Variants in MTREX observed in about 807,000 individuals in gnomAD.
MTREX encodes Mtr4 exosome RNA helicase, also known as exosome RNA helicase MTR4.
In MTREX, 76 loss-of-function variants were observed where a neutral mutation model predicts 135.4. The observed-to-expected ratio is 0.56, with a 90% CI of 0.47 to 0.68. The LOEUF is 0.68. Ranked by LOEUF, MTREX falls within the 30% of genes least tolerant of loss-of-function variation. The pLI is 0.00. For synonymous variants in MTREX, 404 were observed against 401.6 expected (o/e 1.01, Z -0.07); for missense variants, 920 against 1,262.1 (o/e 0.73, Z 4.11).
rs1751132438 is a variant in MTREX at position 55,424,981 on chromosome 5, CTG to C, written c.*211_*212del. ...AATAAAAATGTATACAGGTGGGGCA[CTG>C]TTTTGGTGGAAGGCTTGGAGTTTTT... On this transcript the variant is annotated 3_prime_UTR_variant, in exon 27 of 27. Transcript: ENST00000230640. 4 of 660,806 alleles carry C rather than the reference CTG, an allele frequency of 6.1e-6. No homozygotes were observed. Among genetic ancestry groups the C allele is most frequent in the Non-Finnish European group, 7.5e-6 (3 of 399,736 alleles). 40.9% of individuals were successfully genotyped at this position (660,806 alleles called of 1,614,324 possible). A position where few individuals can be genotyped will look rare whatever the true frequency, so the allele number is the denominator to read the frequency against.
At chr5:55,355,970 C>CA (rs1389995168) in intron 14 of MTREX, among the ~76,000 whole-genome samples, 1 of 152,184 alleles carries the variant, frequency 6.6e-6, no homozygotes, top group Admixed American at 6.5e-5. Flanking sequence ...GGGGAAGAGT[C>CA]AAAGGGTTAG....
At chr5:55,330,337 A>T (rs1435040977) in intron 5 of MTREX, among the ~76,000 whole-genome samples, 1 of 151,964 alleles carries the variant, frequency 6.6e-6, no homozygotes, top group Non-Finnish European at 1.5e-5. Flanking sequence ...TGCTCTCCCA[A>T]AGTGCTGGGC....
chr5:55,317,173 A>C (rs1749212233), intron 1 of MTREX, among the ~76,000 whole-genome samples: 1 of 152,216 alleles, frequency 6.6e-6, no homozygotes, highest in African/African-American at 2.4e-5. Context: ...CCCCATGCTC[A>C]TGAATAGGAA....
chr5:55,324,004 A>G (rs751660088), intron 2 of MTREX, 128 bp from the exon 3 acceptor site: 3 of 655,566 alleles, frequency 4.6e-6, no homozygotes, highest in South Asian at 3.8e-5. Context: ...TTAATAGCCA[A>G]AGTTTTTCCT....
At chr5:55,380,187 G>A (rs1014494845) in intron 18 of MTREX, among the ~76,000 whole-genome samples, 14 of 151,930 alleles carry the variant, frequency 9.2e-5, no homozygotes, top group East Asian at 1.9e-4. Context: ...TGATCTGCCC[G>A]CCTCGGCCTC....
At chr5:55,321,603 A>ATTTTT (rs570546421) in intron 1 of MTREX, among the ~76,000 whole-genome samples, 15 of 103,076 alleles carry the variant, frequency 1.5e-4, no homozygotes, top group Admixed American at 2.0e-4. Flanking sequence ...CCAAACATCT[A>ATTTTT]TTTTTTTTTT....
intron 23 of MTREX, among the ~76,000 whole-genome samples, chr5:55,412,211 G>A (rs1383557506): frequency 2.6e-5 from 4 of 152,052 alleles, no homozygotes; most frequent in Non-Finnish European, 5.9e-5. Context: ...TTAACAGAAT[G>A]TTTTCTGCCA....
intron 16 of MTREX, 143 bp from the exon 17 acceptor site, chr5:55,378,171 A>G (rs1750336436): frequency 3.3e-6 from 3 of 903,628 alleles, no homozygotes; most frequent in East Asian, 3.3e-5. Context: ...ATAGATGAAC[A>G]CATAGAGACT....
chr5:55,386,038 T>TA (rs1165166849), intron 18 of MTREX, among the ~76,000 whole-genome samples: 1 of 152,210 alleles, frequency 6.6e-6, no homozygotes, highest in Non-Finnish European at 1.5e-5. Context: ...ACATTTTTAT[T>TA]AATTTTGGGA....
chr5:55,374,510 TC>T (rs1459403098), intron 16 of MTREX, among the ~76,000 whole-genome samples: 3 of 151,872 alleles, frequency 2.0e-5, no homozygotes, highest in Admixed American at 6.6e-5. Context: ...GGTCTTGAAC[TC>T]CTGAGCTGAA....
In MTREX at chr5:55,358,588, T is replaced by C; in HGVS notation, c.1549T>C (p.Tyr517His). The change falls in exon 15 of 27, where the codon TAC becomes CAC. Residue 517 changes from tyrosine (Y) to histidine (H), a missense_variant. Coordinates refer to ENST00000230640, the MANE Select transcript of MTREX (RefSeq NM_015360.5). Reference protein sequence around the residue: ...KDFRWISSGEYIQMSGRAGRR... With the variant: ...KDFRWISSGEHIQMSGRAGRR... ...GTTCATTCAGATTTCTTCTGGTGAA[T>C]ACATTCAGATGTCTGGTCGTGCTGG... 1 of 1,603,860 alleles carries C rather than the reference T, an allele frequency of 6.2e-7. No individual in the cohort carries two copies. Among genetic ancestry groups the C allele is most frequent in the Non-Finnish European group, 8.5e-7 (1 of 1,177,256 alleles).
intron 1 of MTREX, among the ~76,000 whole-genome samples, chr5:55,321,429 A>G (rs560169835): frequency 1.7e-3 from 258 of 151,900 alleles, no homozygotes; most frequent in South Asian, 8.7e-3. Context: ...CCTCACCCCT[A>G]ATTTTCTGTC....
intron 19 of MTREX, 82 bp from the exon 20 acceptor site, chr5:55,397,333 CT>C: frequency 1.2e-6 from 1 of 805,286 alleles, no homozygotes; most frequent in Non-Finnish European, 2.0e-6. Context: ...GCAACTTCCT[CT>C]TTAGGGATCC....
chr5:55,414,144 C>T (rs773605093), intron 23 of MTREX, 38 bp from the exon 24 acceptor site: 8 of 1,446,634 alleles, frequency 5.5e-6, no homozygotes, highest in East Asian at 2.4e-5. Context: ...TAACTTTAAA[C>T]GTGGGTTTTT....
At chr5:55,397,596 T>C (rs765312647) in intron 20 of MTREX, 70 bp downstream of exon 20, 300 of 898,884 alleles carry the variant, frequency 3.3e-4, no homozygotes, top group Middle Eastern at 9.8e-4. Flanking sequence ...AAGAGGCAAC[T>C]GAAATGCTTT....
chr5:55,366,330 A>G (rs1750102801), intron 15 of MTREX, among the ~76,000 whole-genome samples: 1 of 152,178 alleles, frequency 6.6e-6, no homozygotes, highest in South Asian at 2.1e-4. Context: ...TCTCTACAAA[A>G]TAATAAAAAA....
At chr5:55,352,342 A>G (rs1452817735) in intron 13 of MTREX, among the ~76,000 whole-genome samples, 1 of 151,622 alleles carries the variant, frequency 6.6e-6, no homozygotes, top group Non-Finnish European at 1.5e-5. Context: ...AGATCCTGGT[A>G]TGTCCCTTCT....
chr5:55,320,408 G>A (rs894984697), intron 1 of MTREX, among the ~76,000 whole-genome samples: 10 of 152,082 alleles, frequency 6.6e-5, no homozygotes, highest in East Asian at 1.9e-4. Context: ...TAGAGACGAC[G>A]GGGTTTCACC....
intron 10 of MTREX, among the ~76,000 whole-genome samples, chr5:55,346,125 G>A (rs1749728623): frequency 6.6e-6 from 1 of 152,138 alleles, no homozygotes; most frequent in Admixed American, 6.5e-5. Context: ...AAACATTGAT[G>A]CATGTACTAT....
Sources: gnomAD v4.1 joint callset for allele counts (sites outside exome capture counted in the v4.1 genomes callset) on GRCh38, gnomAD v4.1.1 for gene constraint, MANE v1.5 for transcripts, NCBI Gene and HGNC (gene_info 2026-07-23, HGNC 2026-07-21) for gene names.